Variants in XIRP2 observed in about 807,000 individuals in gnomAD.
XIRP2 encodes xin actin-binding repeat-containing protein 2.
Under a neutral mutation model 277.0 loss-of-function variants are expected in XIRP2, and 236 were observed. That is an observed-to-expected ratio of 0.85 (90% confidence interval 0.77 to 0.95). XIRP2 has a LOEUF of 0.95. Among genes scored for constraint, XIRP2 ranks in the 40% least tolerant of loss-of-function variants. XIRP2 has a pLI of 0.00. For synonymous variants in XIRP2, 1,490 were observed against 1,416.5 expected (o/e 1.05, Z -1.17); for missense variants, 4,640 against 4,157.5 (o/e 1.12, Z -3.19).
At chr2:167,121,175 A>G (rs1253902332) in intron 2 of XIRP2, among the ~76,000 whole-genome samples, 1 of 152,194 alleles carries the variant, frequency 6.6e-6, no homozygotes, top group African/African-American at 2.4e-5. Flanking sequence ...CAACATAACT[A>G]TGTGGATATC....
At chr2:166,949,869 C>T (rs1685981661) in intron 2 of XIRP2, among the ~76,000 whole-genome samples, 1 of 152,012 alleles carries the variant, frequency 6.6e-6, no homozygotes, top group African/African-American at 2.4e-5. Context: ...GACCTTAAAA[C>T]TATAAAATTA....
intron 1 of XIRP2, 37 bp from the exon 2 acceptor site, chr2:166,903,428 G>A: frequency 6.4e-7 from 1 of 1,552,210 alleles, no homozygotes; most frequent in Non-Finnish European, 8.7e-7. Flanking sequence ...TCAGACTCCT[G>A]AGTGTATCAC....
intron 3 of XIRP2, among the ~76,000 whole-genome samples, chr2:167,144,576 A>G (rs1398758613): frequency 1.3e-5 from 2 of 152,100 alleles, no homozygotes; most frequent in African/African-American, 4.8e-5. Flanking sequence ...TTAACATTCT[A>G]GATAGTTTCT....
chr2:167,049,517 A>T (rs1688866623), intron 2 of XIRP2, among the ~76,000 whole-genome samples: 1 of 151,692 alleles, frequency 6.6e-6, no homozygotes, highest in African/African-American at 2.4e-5. Context: ...CAGAAAAAAA[A>T]AAACATAATT....
At chr2:166,965,636 T>G (rs1686410786) in intron 2 of XIRP2, among the ~76,000 whole-genome samples, 1 of 151,958 alleles carries the variant, frequency 6.6e-6, no homozygotes, top group Non-Finnish European at 1.5e-5. Context: ...GAGGCTGGAG[T>G]GCAATGGCTT....
chr2:167,238,779 A>G (rs1486124303), intron 5 of XIRP2, among the ~76,000 whole-genome samples: 1 of 152,202 alleles, frequency 6.6e-6, no homozygotes, highest in Non-Finnish European at 1.5e-5. Context: ...ACCTTCAGGC[A>G]CATTCAAAAA....
At chr2:167,099,395 A>C (rs1690424042) in intron 2 of XIRP2, among the ~76,000 whole-genome samples, 1 of 152,134 alleles carries the variant, frequency 6.6e-6, no homozygotes, top group Non-Finnish European at 1.5e-5. Context: ...TCAGACTGCT[A>C]TCTATGCTGG....
chr2:166,934,855 A>AG (rs989603050), intron 2 of XIRP2, among the ~76,000 whole-genome samples: 1 of 149,350 alleles, frequency 6.7e-6, no homozygotes, highest in Non-Finnish European at 1.5e-5. Context: ...AAAAATAAAA[A>AG]AAAAATTTTT....
chr2:166,981,264 A>G (rs1347139320), intron 2 of XIRP2, among the ~76,000 whole-genome samples: 1 of 152,174 alleles, frequency 6.6e-6, no homozygotes, highest in Non-Finnish European at 1.5e-5. Flanking sequence ...CTAAGACTTT[A>G]GAAAAGAATC....
At position 167,258,740 on chromosome 2, in the gene XIRP2, G is replaced by A; in HGVS notation, c.*923G>A. 5 of 1,613,274 alleles carry A rather than the reference G, an allele frequency of 3.1e-6. No individual in the cohort carries two copies. Among genetic ancestry groups the A allele is most frequent in the Non-Finnish European group, 4.2e-6 (5 of 1,179,624 alleles). ...GAAGACATCTATTTTAGAATTTCTTGATCTATTACCCTTGTCGAGTGAAGC... is the reference window on the plus strand; with the variant it reads ...GAAGACATCTATTTTAGAATTTCTTAATCTATTACCCTTGTCGAGTGAAGC... On this transcript the variant is annotated 3_prime_UTR_variant, in exon 11 of 11. Coordinates refer to ENST00000409195, the MANE Select transcript of XIRP2 (RefSeq NM_152381.6).
chr2:167,137,596 C>T (rs569860590), intron 3 of XIRP2, among the ~76,000 whole-genome samples: 1 of 152,138 alleles, frequency 6.6e-6, no homozygotes, highest in Non-Finnish European at 1.5e-5. Context: ...GATTTCCATG[C>T]AAAGGTTTTC....
chr2:167,123,641 C>T (rs1691120574), intron 2 of XIRP2, among the ~76,000 whole-genome samples: 1 of 152,038 alleles, frequency 6.6e-6, no homozygotes, highest in Non-Finnish European at 1.5e-5. Flanking sequence ...AGATGGCCTC[C>T]CTCTTGCTGC....
intron 3 of XIRP2, among the ~76,000 whole-genome samples, chr2:167,158,878 T>C (rs927573524): frequency 6.6e-6 from 1 of 152,076 alleles, no homozygotes; most frequent in Non-Finnish European, 1.5e-5. Flanking sequence ...TAAATGGAGA[T>C]TGGAGTAATA....
chr2:166,983,605 G>C (rs960001279), intron 2 of XIRP2, among the ~76,000 whole-genome samples: 2 of 152,094 alleles, frequency 1.3e-5, no homozygotes, highest in Non-Finnish European at 2.9e-5. Flanking sequence ...ATCTCTTTGA[G>C]TTTTTGTAGT....
chr2:167,196,393 T>A (rs1315275030), intron 3 of XIRP2, among the ~76,000 whole-genome samples: 1 of 148,362 alleles, frequency 6.7e-6, no homozygotes, highest in Non-Finnish European at 1.5e-5. Context: ...AGTCTATACA[T>A]GGTTGGGTGT....
At chr2:167,239,504 T>A (rs1694991907) in intron 5 of XIRP2, among the ~76,000 whole-genome samples, 1 of 152,210 alleles carries the variant, frequency 6.6e-6, no homozygotes, top group Non-Finnish European at 1.5e-5. Flanking sequence ...AAGTTCTCAG[T>A]CTGATAGAGG....
At chr2:167,227,235 A>C (rs894161393) in intron 5 of XIRP2, among the ~76,000 whole-genome samples, 1 of 152,166 alleles carries the variant, frequency 6.6e-6, no homozygotes, top group Admixed American at 6.6e-5. Flanking sequence ...AAAAAATAGA[A>C]TAGGAGACTG....
intron 3 of XIRP2, chr2:167,184,588 T>A: frequency 2.8e-6 from 2 of 717,534 alleles, no homozygotes; most frequent in Non-Finnish European, 5.2e-6. Context: ...TCCACCTGCA[T>A]CCAAAATTGA....
chr2:166,901,178 C>G (rs1684380439), intron 1 of XIRP2, among the ~76,000 whole-genome samples: 1 of 152,052 alleles, frequency 6.6e-6, no homozygotes, highest in Admixed American at 6.6e-5. Context: ...GCAGGTTTTC[C>G]TGGGGAAATT....
Sources: gnomAD v4.1 joint callset for allele counts (sites outside exome capture counted in the v4.1 genomes callset) on GRCh38, gnomAD v4.1.1 for gene constraint, MANE v1.5 for transcripts, NCBI Gene and HGNC (gene_info 2026-07-23, HGNC 2026-07-21) for gene names.